The following INTS2 variants were observed in gnomAD, a reference collection of about 807,000 sequenced individuals.
The protein encoded by INTS2 is KIAA1287.
Under a neutral mutation model 139.6 loss-of-function variants are expected in INTS2, and 57 were observed. The observed-to-expected ratio is 0.41, with a 90% CI of 0.33 to 0.51. The LOEUF is 0.51. Ranked by LOEUF, INTS2 falls within the 20% of genes least tolerant of loss-of-function variation. The pLI is 0.28. For synonymous variants in INTS2, 473 were observed against 493.4 expected (o/e 0.96, Z 0.55); for missense variants, 1,196 against 1,436.7 (o/e 0.83, Z 2.71).
intron 2 of INTS2, among the ~76,000 whole-genome samples, chr17:61,925,866 A>C (rs1164410714): frequency 6.6e-6 from 1 of 151,736 alleles, no homozygotes; most frequent in Non-Finnish European, 1.5e-5. Context: ...CTCTACTAAA[A>C]ATACAAAAAA....
At chr17:61,911,900 A>G in intron 6 of INTS2, 40 bp downstream of exon 6, 1 of 1,589,046 alleles carries the variant, frequency 6.3e-7, no homozygotes, top group Non-Finnish European at 8.5e-7. Flanking sequence ...CTTGGACCTA[A>G]TATAAAGGCC....
In INTS2 at chr17:61,872,299, C is replaced by G. The variant is rs780321546; in HGVS notation, c.2744G>C (p.Arg915Thr). 1 of 1,612,248 alleles carries G rather than the reference C, an allele frequency of 6.2e-7. No homozygotes were observed. The highest frequency in any genetic ancestry group is 1.7e-5 in the Admixed American group (1 of 59,736). ...CAGTAATGCATTTTTCAATTCTTCC[C>G]TGGTAACTTCCGGAGCATCAGTTTG... Reference protein sequence around the residue: ...VGQTDAPEVTREELKNALLAA... With the variant: ...VGQTDAPEVTTEELKNALLAA... The change falls in exon 20 of 25, where the codon AGG becomes ACG. Residue 915 changes from arginine to threonine, a missense_variant. Coordinates refer to ENST00000251334, the MANE Select transcript of INTS2 (RefSeq NM_001351695.2). The surrounding 1 kb of genome is among the most constrained non-coding windows in gnomAD (Gnocchi z 4.8).
chr17:61,921,643 C>G (rs2079642227), intron 4 of INTS2, 82 bp downstream of exon 4: 1 of 630,584 alleles, frequency 1.6e-6, no homozygotes, highest in Non-Finnish European at 2.7e-6. Context: ...TAAAATAACA[C>G]AGCATACCAG....
rs1418828880 is a variant in INTS2 at position 61,893,462 on chromosome 17, G to A, written c.1698+303C>T. Among the ~76,000 whole-genome samples, 1 of 152,140 alleles carries A rather than the reference G, an allele frequency of 6.6e-6. No individual in the cohort carries two copies. The highest frequency in any genetic ancestry group is 1.5e-5 in the Non-Finnish European group (1 of 68,038). On this transcript the variant is annotated intron_variant, in intron 13 of 24. Transcript: ENST00000251334. The surrounding 1 kb of genome is among the most constrained non-coding windows in gnomAD (Gnocchi z 5.4). ...TGTAATCCCAGCACTTTGGTCGGTT[G>A]AGACAGGCATATCACTTGAGGTCAG...
At position 61,927,935 on chromosome 17, in the gene INTS2, C is replaced by A; in HGVS notation, c.-300G>T. On this transcript the variant is annotated 5_prime_UTR_variant, in exon 1 of 25. The change creates a new upstream start codon in the 5' untranslated region. Coordinates refer to ENST00000251334, the MANE Select transcript of INTS2 (RefSeq NM_001351695.2). ...GACTTTTTCAACCTGCACCCAGCAC[C>A]TTCATTCATCCCCAGCGTCTGACTC... 1.9e-6 allele frequency: 3 copies of A among 1,614,014 alleles called. No homozygotes were observed. Among genetic ancestry groups the A allele is most frequent in the Non-Finnish European group, 2.5e-6 (3 of 1,179,896 alleles).
In INTS2 at chr17:61,873,925, T is replaced by C. The variant is rs1051622819; in HGVS notation, c.2582+988A>G. 3.9e-5 allele frequency among the ~76,000 whole-genome samples: 6 copies of C among 152,164 alleles called. No homozygotes were observed. The highest frequency in any genetic ancestry group is 1.4e-4 in the African/African-American group (6 of 41,426). ...ACTTTCCAACTGTAAAATGTTCTCT[T>C]TTCAAAAATAACCCTCTTCACGGCT... On this transcript the variant is annotated intron_variant, in intron 19 of 24. Coordinates refer to ENST00000251334, the MANE Select transcript of INTS2 (RefSeq NM_001351695.2). This position sits in a 1 kb window ranked among gnomAD's most constrained non-coding sequence, Gnocchi z 4.0.
chr17:61,901,804 G>T (rs1237730245), intron 9 of INTS2, among the ~76,000 whole-genome samples: 1 of 151,764 alleles, frequency 6.6e-6, no homozygotes, highest in Non-Finnish European at 1.5e-5. Context: ...CACCGTGTTA[G>T]CCAGGATGGT....
At chr17:61,881,950 A>G (rs1169643835) in intron 16 of INTS2, among the ~76,000 whole-genome samples, 1 of 152,194 alleles carries the variant, frequency 6.6e-6, no homozygotes, top group Non-Finnish European at 1.5e-5. Flanking sequence ...AAAGAAAAGG[A>G]GGAGAAAAGA....
At chr17:61,877,597 A>G (rs1313629295) in intron 18 of INTS2, among the ~76,000 whole-genome samples, 1 of 152,248 alleles carries the variant, frequency 6.6e-6, no homozygotes, top group Non-Finnish European at 1.5e-5. Context: ...AAGATCCAAG[A>G]TATAACAGTG....
chr17:61,917,106 G>A (rs896853563), intron 5 of INTS2, among the ~76,000 whole-genome samples: 2 of 152,168 alleles, frequency 1.3e-5, no homozygotes, highest in African/African-American at 2.4e-5. Context: ...TCACACCAGT[G>A]AGAATGGCTA....
In INTS2 at chr17:61,868,935, C is replaced by G; in HGVS notation, c.3244+99G>C. On this transcript the variant is annotated intron_variant, in intron 23 of 24. Coordinates refer to ENST00000251334, the MANE Select transcript of INTS2 (RefSeq NM_001351695.2). This position sits in a 1 kb window ranked among gnomAD's most constrained non-coding sequence, Gnocchi z 4.7. ...TAACACATATTGTATCATACTGTCTCAGAGTGACAGAAAAAACATATTGCA... is the reference window on the plus strand; with the variant it reads ...TAACACATATTGTATCATACTGTCTGAGAGTGACAGAAAAAACATATTGCA... The G allele has an allele frequency of 4.2e-6, 3 of 716,160 alleles. No individual in the cohort carries two copies. The South Asian group carries it at 5.3e-5, about 13-fold the overall frequency. The allele number at this position is 716,160 out of a possible 1,614,324, so 44.4% of individuals were successfully genotyped here. A position where few individuals can be genotyped will look rare whatever the true frequency, so the allele number is the denominator to read the frequency against.
rs758157276 is a variant in INTS2, at chr17:61,926,365, C to T, written c.280G>A (p.Glu94Lys). Residue 94 changes from glutamate to lysine, a missense_variant, in exon 2 of 25, where the codon GAA becomes AAA. Glu to Lys is a moderately conservative substitution (Grantham distance 56, BLOSUM62 1). Transcript: ENST00000251334. ...ACATAACATTACCTAAGCTGCTGTT[C>T]TTTGCTGGCATCTTGTTCTAAAGCA... ...FHALEQDASK[E>K]QQLRHKLGGG... 2 of 1,599,006 alleles carry T rather than the reference C, an allele frequency of 1.3e-6. No individual in the cohort carries two copies. The highest frequency in any genetic ancestry group is 1.7e-6 in the Non-Finnish European group (2 of 1,168,886).
At chr17:61,899,869 GC>G (rs891889022) in intron 9 of INTS2, among the ~76,000 whole-genome samples, 14 of 149,762 alleles carry the variant, frequency 9.3e-5, no homozygotes, top group Non-Finnish European at 1.5e-4. Context: ...CCCTGATCGT[GC>G]CACTGGACTC....
At position 61,867,432 on chromosome 17, in the gene INTS2, T is replaced by C. The variant is rs556227231; in HGVS notation, c.*125A>G. 9.7e-5 allele frequency: 54 copies of C among 558,566 alleles called. No individual in the cohort carries two copies. The highest frequency in any genetic ancestry group is 7.6e-4 in the South Asian group (24 of 31,624). 34.6% of individuals were successfully genotyped at this position (558,566 alleles called of 1,614,324 possible). On this transcript the variant is annotated 3_prime_UTR_variant, in exon 25 of 25. Coordinates refer to ENST00000251334, the MANE Select transcript of INTS2 (RefSeq NM_001351695.2). The surrounding 1 kb of genome is among the most constrained non-coding windows in gnomAD (Gnocchi z 5.6). ...AGTTCTAAACTATACTCATGTTGAATTGAATTGTTTTAGTGATTCCAAGAC... is the reference window on the plus strand; with the variant it reads ...AGTTCTAAACTATACTCATGTTGAACTGAATTGTTTTAGTGATTCCAAGAC...
At chr17:61,887,482 C>CAAAA (rs1240524678) in intron 15 of INTS2, among the ~76,000 whole-genome samples, 3 of 50,554 alleles carry the variant, frequency 5.9e-5, no homozygotes, top group African/African-American at 2.1e-4. Context: ...GACTCTGTCT[C>CAAAA]AAAAAAAAAA....
intron 9 of INTS2, 46 bp downstream of exon 9, chr17:61,904,414 T>C (rs1567908022): frequency 7.2e-7 from 1 of 1,394,710 alleles, no homozygotes; most frequent in Admixed American, 2.1e-5. Context: ...ATTGAGTAAA[T>C]AAAAGTAAAC....
chr17:61,880,801 A>G (rs572883109), intron 17 of INTS2, among the ~76,000 whole-genome samples: 1 of 122,116 alleles, frequency 8.2e-6, no homozygotes, highest in South Asian at 3.1e-4. Context: ...AAGGAGTAAA[A>G]GGGGAAAGGG....
chr17:61,891,027 C>T (rs1388621250), intron 14 of INTS2, among the ~76,000 whole-genome samples: 2 of 143,234 alleles, frequency 1.4e-5, no homozygotes, highest in Non-Finnish European at 3.0e-5. Flanking sequence ...GGCACAGTGA[C>T]TCACACCTGT....
chr17:61,886,208 G>A (rs1278926366), intron 15 of INTS2, among the ~76,000 whole-genome samples: 5 of 152,122 alleles, frequency 3.3e-5, no homozygotes, highest in Middle Eastern at 3.4e-3. Flanking sequence ...CCGCCACCAC[G>A]CCTAGCTAAT....
Sources: allele counts gnomAD v4.1 joint callset (sites outside exome capture counted in the v4.1 genomes callset), GRCh38; gene constraint gnomAD v4.1.1; non-coding constraint Gnocchi (gnomAD v3.1); transcripts MANE v1.5; gene names NCBI Gene and HGNC (gene_info 2026-07-23, HGNC 2026-07-21).